Variants in TBX1 observed in about 807,000 individuals in gnomAD.
TBX1 encodes T-box transcription factor TBX1.
A neutral mutation model predicts 40.8 loss-of-function variants in TBX1; 16 were observed. The ratio of observed to expected loss-of-function variants is 0.39; its 90% CI spans 0.27 to 0.60. TBX1 has a LOEUF of 0.60. TBX1 is among the 20% of genes least tolerant of loss of function. TBX1 has a pLI of 0.51. For missense variants in TBX1, 755 were observed against 728.5 expected (o/e 1.04, Z -0.42); for synonymous variants, 403 against 336.8 (o/e 1.20, Z -2.15).
chr22:19,761,289 GC>G lies in TBX1; in HGVS notation c.437+13del, dbSNP rs2145828701. 1.3e-6 allele frequency: 2 copies of G among 1,540,876 alleles called. No individual in the cohort carries two copies. Among genetic ancestry groups the G allele is most frequent in the African/African-American group, 1.4e-5 (1 of 69,858 alleles). On this transcript the variant is annotated intron_variant, in intron 1 of 6. Transcript: ENST00000649276. ...GTCACCAAGGCCGGCAGGTCAGGGC[GC>G]CCCTCCCCACGCCGCGACCCTCCCC... is the stretch of plus-strand genomic sequence containing the variant.
chr22:19,779,328 TCCC>T, exon 9 of TBX1: 1 of 1,614,224 alleles, frequency 6.2e-7, no homozygotes, highest in Non-Finnish European at 8.5e-7. Context: ...AACCTGGGGC[TCCC>T]CTGCCCCGCA....
intron 1 of TBX1, among the ~76,000 whole-genome samples, chr22:19,762,696 A>AG (rs769775987): frequency 6.6e-6 from 1 of 151,814 alleles, no homozygotes; most frequent in Admixed American, 6.6e-5. Context: ...CATGATAGAG[A>AG]GGGGCCCTGA....
chr22:19,759,642 G>A, upstream of TBX1: 1 of 1,612,410 alleles, frequency 6.2e-7, no homozygotes, highest in Non-Finnish European at 8.5e-7. Context: ...TCCCCGGCAG[G>A]GATGCACTTC....
chr22:19,773,504 T>C lies in TBX1; in HGVS notation c.1010-5716T>C, dbSNP rs560277193. 1.6e-3 allele frequency among the ~76,000 whole-genome samples: 247 copies of C among 152,298 alleles called. 1 individual carries two copies. The highest frequency in any genetic ancestry group is 5.8e-3 in the African/African-American group (241 of 41,566). On this transcript the variant is annotated intron_variant, in intron 8 of 8. Transcript: ENST00000329705. ...AGGTGGCCCCTCCAGCTTGGCTGTG[T>C]GGGCTTCCTTGGAGGACCCTCCCTC...
At chr22:19,776,395 C>T (rs1014097594) in intron 8 of TBX1, among the ~76,000 whole-genome samples, 1 of 152,194 alleles carries the variant, frequency 6.6e-6, no homozygotes, top group Non-Finnish European at 1.5e-5. Flanking sequence ...GTGTCCATCC[C>T]ATGAATGCAA....
upstream of TBX1, among the ~76,000 whole-genome samples, chr22:19,757,812 C>T (rs1448400043): frequency 6.6e-6 from 1 of 152,332 alleles, no homozygotes; most frequent in Non-Finnish European, 1.5e-5. Context: ...TCCCTGGGTC[C>T]CCTCAGTGAC....
intron 1 of TBX1, among the ~76,000 whole-genome samples, chr22:19,762,799 G>A (rs1601286764): frequency 6.6e-6 from 1 of 152,244 alleles, no homozygotes; most frequent in African/African-American, 2.4e-5. Context: ...GGGACGCCTT[G>A]AACTCACACA....
At chr22:19,759,149 TGA>T, upstream of TBX1, among the ~76,000 whole-genome samples, 2 of 152,190 alleles carry the variant, frequency 1.3e-5, no homozygotes, top group Non-Finnish European at 2.9e-5. Context: ...CTGTAGAAGC[TGA>T]CGGTGGCTTC....
At chr22:19,761,884 T>A (rs1168764056) in intron 1 of TBX1, among the ~76,000 whole-genome samples, 11 of 152,178 alleles carry the variant, frequency 7.2e-5, no homozygotes, top group Admixed American at 7.2e-4. Context: ...CAGCGGCCCG[T>A]CACCTCCCAA....
At chr22:19,765,684 C>T in intron 4 of TBX1, 74 bp from the exon 5 acceptor site, 4 of 1,547,184 alleles carry the variant, frequency 2.6e-6, no homozygotes, top group Non-Finnish European at 3.5e-6. Flanking sequence ...CCTAACACTC[C>T]CCTATCCTCC....
rs777514486 is a variant in TBX1, at chr22:19,766,762, A to AGCCGCCGCG, written c.1419_1427dup (p.Ala483_Ala485dup). ...ACCACCACCACCACCCCGTGAGTCC[A>AGCCGCCGCG]GCCGCCGCGGCCGCCGCCGCCGCTG... On this transcript the variant is annotated inframe_insertion, in exon 7 of 7. Coordinates refer to ENST00000649276, the MANE Select transcript of TBX1 (RefSeq NM_001379200.1). 5 of 1,488,698 alleles carry AGCCGCCGCG rather than the reference A, an allele frequency of 3.4e-6. No individual in the cohort carries two copies. The highest frequency in any genetic ancestry group is 1.5e-5 in the African/African-American group (1 of 67,474). The allele number at this position is 1,488,698 out of a possible 1,614,324, so 92.2% of individuals were successfully genotyped here.
intron 8 of TBX1, among the ~76,000 whole-genome samples, chr22:19,777,346 T>C (rs556573013): frequency 7.9e-5 from 12 of 152,328 alleles, no homozygotes; most frequent in Non-Finnish European, 1.6e-4. Flanking sequence ...TTGCTGAGAA[T>C]GATGGTTTCC....
upstream of TBX1, among the ~76,000 whole-genome samples, chr22:19,758,019 A>G (rs1936525662): frequency 6.6e-6 from 1 of 152,118 alleles, no homozygotes. Flanking sequence ...AGGCAGCACT[A>G]TTCGTATACT....
Position 19,774,726 on chromosome 22 carries a change from C to G in TBX1, c.1010-4494C>G, listed in dbSNP as rs41297796. 7.7e-3 allele frequency among the ~76,000 whole-genome samples: 1,179 copies of G among 152,292 alleles called. 18 individuals are homozygous for G. Among genetic ancestry groups the G allele is most frequent in the African/African-American group, 0.027 (1,122 of 41,548 alleles). On this transcript the variant is annotated intron_variant, in intron 8 of 8. Transcript: ENST00000329705. ...TGAATTGAGCCGGTCACAAAGGACA[C>G]ATTTTGTACTGTACAATTCCACTTG...
At position 19,764,339 on chromosome 22, in the gene TBX1, C is replaced by T. The variant is rs1936763459; in HGVS notation, c.711+13C>T. 5 of 1,607,880 alleles carry T rather than the reference C, an allele frequency of 3.1e-6. No individual in the cohort carries two copies. The highest frequency in any genetic ancestry group is 4.2e-6 in the Non-Finnish European group (5 of 1,179,796). ...CGACAACGGCCACGTGAGCGACTGC[C>T]TCCCCAGGCTCCGGTGTCCCCCAAG... On this transcript the variant is annotated intron_variant, in intron 3 of 6. Coordinates refer to ENST00000649276, the MANE Select transcript of TBX1 (RefSeq NM_001379200.1).
At chr22:19,765,213 G>C in intron 4 of TBX1, 100 bp downstream of exon 4, 4 of 1,562,626 alleles carry the variant, frequency 2.6e-6, no homozygotes, top group Non-Finnish European at 3.5e-6. Flanking sequence ...GCTTAGACCT[G>C]CAGGCTGTGG....
chr22:19,761,195 G>A lies in TBX1; in HGVS notation c.352G>A (p.Gly118Ser). ...GGTGAAGAAGAACGCGAAGGTGGCC[G>A]GTGTGAGCGTGCAGCTAGAGATGAA... ...APVKKNAKVA[G>S]VSVQLEMKAL... The change falls in exon 1 of 7, where the codon GGT (glycine) becomes AGT (serine). Residue 118 changes from glycine (G) to serine (S), a missense_variant. By Grantham distance (56) the Gly-to-Ser change is moderately conservative. Coordinates refer to ENST00000649276, the MANE Select transcript of TBX1 (RefSeq NM_001379200.1). 1 of 1,551,444 alleles carries A rather than the reference G, an allele frequency of 6.4e-7. No homozygotes were observed.
downstream of TBX1, among the ~76,000 whole-genome samples, chr22:19,767,533 T>G (rs1163822706): frequency 6.9e-6 from 1 of 145,118 alleles, no homozygotes; most frequent in Non-Finnish European, 1.5e-5. Context: ...CCACTGCCCC[T>G]CCCCTCTCCG....
At chr22:19,770,771 C>T (rs58195778), downstream of TBX1, among the ~76,000 whole-genome samples, 250 of 152,314 alleles carry the variant, frequency 1.6e-3, 1 homozygote, top group African/African-American at 5.8e-3. Context: ...GAGAATTCCA[C>T]GTAGCCACAG....
Sources: allele counts gnomAD v4.1 joint callset (sites outside exome capture counted in the v4.1 genomes callset), GRCh38; gene constraint gnomAD v4.1.1; transcripts MANE v1.5; gene names NCBI Gene and HGNC (gene_info 2026-07-23, HGNC 2026-07-21).